The following ANKRD33B variants were observed in gnomAD, a reference collection of about 807,000 sequenced individuals.
ANKRD33B encodes the protein ankyrin repeat domain-containing protein 33B.
A neutral mutation model predicts 21.5 loss-of-function variants in ANKRD33B; 6 were observed. That is an observed-to-expected ratio of 0.28 (90% CI 0.15 to 0.55). The LOEUF (loss-of-function observed/expected upper bound fraction) is 0.55, where lower values mean the gene tolerates loss of function less well. Among genes scored for constraint, ANKRD33B ranks in the 20% least tolerant of loss-of-function variants. ANKRD33B has a pLI of 0.94. For missense variants in ANKRD33B, 698 were observed against 747.2 expected (o/e 0.93, Z 0.77); for synonymous variants, 347 against 342.4 (o/e 1.01, Z -0.15).
At chr5:10,599,220 T>G (rs145688228) in intron 1 of ANKRD33B, among the ~76,000 whole-genome samples, 125 of 152,306 alleles carry the variant, frequency 8.2e-4, no homozygotes, top group African/African-American at 2.8e-3. Context: ...TTAGCCATGT[T>G]GTGTGTACCA....
intron 1 of ANKRD33B, among the ~76,000 whole-genome samples, chr5:10,607,025 C>T (rs1736059790): frequency 6.6e-6 from 1 of 152,062 alleles, no homozygotes; most frequent in Non-Finnish European, 1.5e-5. Context: ...GCCACCACGC[C>T]CAGCCCATTT....
chr5:10,602,742 G>A (rs1057006949), intron 1 of ANKRD33B, among the ~76,000 whole-genome samples: 19 of 151,992 alleles, frequency 1.3e-4, no homozygotes, highest in Admixed American at 1.1e-3. Flanking sequence ...GCAGCATTTT[G>A]CAAGGAACTT....
chr5:10,642,386 G>C (rs1370023424), intron 3 of ANKRD33B, among the ~76,000 whole-genome samples: 4 of 152,158 alleles, frequency 2.6e-5, no homozygotes, highest in Non-Finnish European at 5.9e-5. Context: ...CCCCATCACA[G>C]TCTAGAACAA....
chr5:10,602,219 G>A (rs370191555), intron 1 of ANKRD33B, among the ~76,000 whole-genome samples: 2 of 152,340 alleles, frequency 1.3e-5, no homozygotes, highest in South Asian at 2.1e-4. Context: ...GGGCGTCAGC[G>A]GAGCATGCTC....
In ANKRD33B at chr5:10,655,673, T is replaced by C. The variant is rs1560993771; in HGVS notation, c.*5560T>C. 6.6e-6 allele frequency: 1 copy of C among 152,360 alleles called. No individual in the cohort carries two copies. Among genetic ancestry groups the C allele is most frequent in the African/African-American group, 2.4e-5 (1 of 41,446 alleles). 9.4% of individuals were successfully genotyped at this position (152,360 alleles called of 1,614,324 possible). A position where few individuals can be genotyped will look rare whatever the true frequency, so the allele number is the denominator to read the frequency against. On this transcript the variant is annotated 3_prime_UTR_variant, in exon 4 of 4. Coordinates refer to ENST00000296657, the MANE Select transcript of ANKRD33B (RefSeq NM_001164440.2). ...TGGACACTACTAGTCTTTCACATGA[T>C]AAAGCGCGAGCACTTTTTCGCTTTT...
At chr5:10,565,763 CCCGTAGTCTGTG>C (rs2126540153) in intron 1 of ANKRD33B, among the ~76,000 whole-genome samples, 1 of 152,348 alleles carries the variant, frequency 6.6e-6, no homozygotes, top group East Asian at 1.9e-4. Context: ...GGCCAAGTTC[CCCGTAGTCTGTG>C]CTCAGTGGGC....
intron 1 of ANKRD33B, among the ~76,000 whole-genome samples, chr5:10,592,637 A>AG (rs397881540): frequency 7.0e-6 from 1 of 142,772 alleles, no homozygotes; most frequent in Middle Eastern, 3.8e-3. Flanking sequence ...AAAAAAAAAA[A>AG]GAAGAAGAAA....
chr5:10,600,252 A>C (rs1735901419), intron 1 of ANKRD33B, among the ~76,000 whole-genome samples: 2 of 152,260 alleles, frequency 1.3e-5, no homozygotes, highest in African/African-American at 4.8e-5. Context: ...GAATTTTCAC[A>C]AATGAATATG....
At chr5:10,597,992 T>C (rs921727344) in intron 1 of ANKRD33B, among the ~76,000 whole-genome samples, 11 of 152,196 alleles carry the variant, frequency 7.2e-5, no homozygotes, top group Non-Finnish European at 1.5e-4. Flanking sequence ...ATGTTCCTTT[T>C]CTTGGCATAT....
intron 2 of ANKRD33B, among the ~76,000 whole-genome samples, chr5:10,629,895 T>C (rs1025484988): frequency 6.6e-6 from 1 of 152,146 alleles, no homozygotes; most frequent in African/African-American, 2.4e-5. Flanking sequence ...TGATGAGAAC[T>C]GACAAATCAC....
At chr5:10,644,052 G>A (rs556396150) in intron 3 of ANKRD33B, among the ~76,000 whole-genome samples, 1 of 149,760 alleles carries the variant, frequency 6.7e-6, no homozygotes, top group South Asian at 2.1e-4. Context: ...GATTAGTGGA[G>A]AGCAATAAGG....
chr5:10,617,197 C>A (rs996123724), intron 1 of ANKRD33B, among the ~76,000 whole-genome samples: 1 of 152,196 alleles, frequency 6.6e-6, no homozygotes, highest in Non-Finnish European at 1.5e-5. Flanking sequence ...ATTAATAGAT[C>A]TACAAAATCA....
chr5:10,616,352 G>T (rs1355839313), intron 1 of ANKRD33B, among the ~76,000 whole-genome samples: 1 of 152,082 alleles, frequency 6.6e-6, no homozygotes, highest in African/African-American at 2.4e-5. Context: ...AGATCACGAG[G>T]TCAGGAGTTC....
intron 1 of ANKRD33B, among the ~76,000 whole-genome samples, chr5:10,586,650 A>G (rs140530251): frequency 1.3e-5 from 2 of 152,288 alleles, no homozygotes; most frequent in African/African-American, 4.8e-5. Context: ...TGGCATCTTA[A>G]TGCGCAATTT....
intron 1 of ANKRD33B, among the ~76,000 whole-genome samples, chr5:10,587,151 A>G (rs539542498): frequency 1.2e-4 from 19 of 152,120 alleles, no homozygotes; most frequent in Admixed American, 9.8e-4. Flanking sequence ...AGTAGCTGGG[A>G]TTACAGACGC....
rs538238690 is a variant in ANKRD33B, at chr5:10,654,674, A to G, written c.*4561A>G. 6.6e-6 allele frequency: 1 copy of G among 152,396 alleles called. No homozygotes were observed. Among genetic ancestry groups the G allele is most frequent in the African/African-American group, 2.4e-5 (1 of 41,534 alleles). 9.4% of individuals were successfully genotyped at this position (152,396 alleles called of 1,614,324 possible). On this transcript the variant is annotated 3_prime_UTR_variant, in exon 4 of 4. Coordinates refer to ENST00000296657, the MANE Select transcript of ANKRD33B (RefSeq NM_001164440.2). ...TGCCTCTTCTGGATGGAACGTGTGTATCAACAACAATGAAATGCACCTCCG... is the reference window on the plus strand; with the variant it reads ...TGCCTCTTCTGGATGGAACGTGTGTGTCAACAACAATGAAATGCACCTCCG...
chr5:10,570,756 G>A (rs756880936), intron 1 of ANKRD33B, among the ~76,000 whole-genome samples: 1 of 151,916 alleles, frequency 6.6e-6, no homozygotes, highest in Non-Finnish European at 1.5e-5. Flanking sequence ...ACAGGATCTT[G>A]CTATGTTGCC....
intron 2 of ANKRD33B, among the ~76,000 whole-genome samples, chr5:10,634,670 G>A (rs1010037092): frequency 9.3e-5 from 14 of 151,202 alleles, no homozygotes; most frequent in African/African-American, 1.7e-4. Context: ...TGCCCAGGCC[G>A]GTCTTGAACT....
chr5:10,628,441 C>G (rs1040016388), intron 2 of ANKRD33B, among the ~76,000 whole-genome samples: 2 of 152,136 alleles, frequency 1.3e-5, no homozygotes, highest in Non-Finnish European at 2.9e-5. Context: ...TTCGGCCTCC[C>G]AAAGTGCTGG....
Sources: allele counts gnomAD v4.1 joint callset (sites outside exome capture counted in the v4.1 genomes callset), GRCh38; gene constraint gnomAD v4.1.1; transcripts MANE v1.5; gene names NCBI Gene and HGNC (gene_info 2026-07-23, HGNC 2026-07-21).